Variants in KIF20B observed in about 807,000 individuals in gnomAD.
The protein encoded by KIF20B is kinesin-like protein KIF20B.
In KIF20B, 188 loss-of-function variants were observed where a neutral mutation model predicts 232.5. That is an observed-to-expected ratio of 0.81 (90% CI 0.72 to 0.91). The LOEUF (loss-of-function observed/expected upper bound fraction) is 0.91. KIF20B is among the 40% of genes least tolerant of loss of function. KIF20B has a pLI of 0.00. For missense variants in KIF20B, 2,154 were observed against 2,055.9 expected (o/e 1.05, Z -0.92); for synonymous variants, 712 against 683.0 (o/e 1.04, Z -0.66).
At chr10:89,716,348 C>T (rs1327692086) in intron 8 of KIF20B, 88 bp from the exon 9 acceptor site, 1 of 606,800 alleles carries the variant, frequency 1.6e-6, no homozygotes, top group Non-Finnish European at 2.8e-6. Context: ...CATTATATGT[C>T]ACTAGGAAAA....
At chr10:89,734,403 CTG>C (rs577503029) in intron 19 of KIF20B, among the ~76,000 whole-genome samples, 41 of 152,142 alleles carry the variant, frequency 2.7e-4, no homozygotes, top group African/African-American at 8.4e-4. Flanking sequence ...AAGAGTGAAA[CTG>C]TGTCTAAAAA....
chr10:89,755,473 C>T (rs986546492), intron 26 of KIF20B, among the ~76,000 whole-genome samples: 1 of 132,124 alleles, frequency 7.6e-6, no homozygotes. Flanking sequence ...CCTCCCCTCC[C>T]TCCCCTTTCC....
At position 89,737,718 on chromosome 10, in the gene KIF20B, A is replaced by C. The variant is rs763948311; in HGVS notation, c.2877A>C (p.Glu959Asp). ...AAAGTAAAAATCAAGAACAGGAGGA[A>C]AAGATCATGAAATTGTCAAATGAGA... ...VQKSKNQEQE[E>D]KIMKLSNEIE... The change falls in exon 20 of 33, where the codon GAA (glutamate) becomes GAC (aspartate). Residue 959 changes from glutamate (E) to aspartate (D), a missense_variant. By Grantham distance (45) the Glu-to-Asp change is conservative (BLOSUM62 2). Transcript: ENST00000371728. 1.2e-6 allele frequency: 2 copies of C among 1,612,812 alleles called. No homozygotes were observed. The highest frequency in any genetic ancestry group is 3.3e-5 in the Admixed American group (2 of 59,950).
chr10:89,774,158 A>G lies in KIF20B; in HGVS notation c.*110A>G. 1.1e-5 allele frequency: 6 copies of G among 537,690 alleles called. No individual in the cohort carries two copies. Among genetic ancestry groups the G allele is most frequent in the Non-Finnish European group, 1.9e-5 (6 of 318,312 alleles). The allele number at this position is 537,690 out of a possible 1,614,324, so 33.3% of individuals were successfully genotyped here. A position where few individuals can be genotyped will look rare whatever the true frequency, so the allele number is the denominator to read the frequency against. On this transcript the variant is annotated 3_prime_UTR_variant, in exon 33 of 33. Transcript: ENST00000371728. ...TTATGCATTAAATCACTCTGCATAT[A>G]GATTGCTGTTTTATACATAGTATAA...
intron 21 of KIF20B, among the ~76,000 whole-genome samples, chr10:89,741,078 A>T (rs544994146): frequency 3.5e-4 from 53 of 152,332 alleles, no homozygotes; most frequent in Non-Finnish European, 7.4e-4. Flanking sequence ...CATAATGTAG[A>T]ATCAGTGGGA....
chr10:89,754,820 A>C (rs183949744), intron 26 of KIF20B, 147 bp downstream of exon 26: 1 of 521,290 alleles, frequency 1.9e-6, no homozygotes, highest in African/African-American at 2.0e-5. Flanking sequence ...TTCTGAGCCA[A>C]TTTATCTTGA....
intron 19 of KIF20B, 122 bp from the exon 20 acceptor site, chr10:89,737,258 ATTTCATT>A (rs1010431500): frequency 2.0e-6 from 2 of 980,756 alleles, no homozygotes; most frequent in Admixed American, 8.2e-5. Context: ...TCAACAGCTT[ATTTCATT>A]TTTTTTTTTT....
At chr10:89,740,465 A>G (rs1306113777) in intron 21 of KIF20B, among the ~76,000 whole-genome samples, 1 of 152,028 alleles carries the variant, frequency 6.6e-6, no homozygotes, top group Non-Finnish European at 1.5e-5. Flanking sequence ...TCACTGTACA[A>G]TAGTTCTCAT....
chr10:89,712,013 C>A (rs1226885870), intron 6 of KIF20B, among the ~76,000 whole-genome samples: 1 of 151,204 alleles, frequency 6.6e-6, no homozygotes, highest in Non-Finnish European at 1.5e-5. Flanking sequence ...CTCACTTGAG[C>A]CTACTTTATA....
At chr10:89,750,708 A>T (rs1842004813) in intron 23 of KIF20B, among the ~76,000 whole-genome samples, 1 of 152,134 alleles carries the variant, frequency 6.6e-6, no homozygotes, top group Non-Finnish European at 1.5e-5. Flanking sequence ...GTTAATATAT[A>T]GTTGCTTACA....
At chr10:89,752,766 A>G in intron 25 of KIF20B, 75 bp downstream of exon 25, 1 of 1,106,254 alleles carries the variant, frequency 9.0e-7, no homozygotes. Flanking sequence ...AGAATTCAGT[A>G]TTTTATATTT....
At position 89,716,425 on chromosome 10, in the gene KIF20B, A is replaced by T. The variant is rs763589685; in HGVS notation, c.941-11A>T. 61 of 1,175,756 alleles carry T rather than the reference A, an allele frequency of 5.2e-5. No individual in the cohort carries two copies. The highest frequency in any genetic ancestry group is 4.8e-5 in the Non-Finnish European group (39 of 811,222). 72.8% of individuals were successfully genotyped at this position (1,175,756 alleles called of 1,614,324 possible). A position where few individuals can be genotyped will look rare whatever the true frequency, so the allele number is the denominator to read the frequency against. Reference sequence around the variant, plus strand: ...CAATAAATTAATATATATCCTCTTTATTTTTTAAAGATCTACAATGGATTC... The same window carrying T: ...CAATAAATTAATATATATCCTCTTTTTTTTTTAAAGATCTACAATGGATTC... On this transcript the variant is annotated splice_polypyrimidine_tract_variant and intron_variant, in intron 8 of 32. Transcript: ENST00000371728.
Position 89,738,447 on chromosome 10 carries a change from G to A in KIF20B, c.3606G>A (p.Lys1202=). 1 of 1,602,166 alleles carries A rather than the reference G, an allele frequency of 6.2e-7. No homozygotes were observed. Residue 1202 remains lysine, a synonymous_variant, in exon 20 of 33, where the codon AAG becomes AAA. Coordinates refer to ENST00000371728, the MANE Select transcript of KIF20B (RefSeq NM_001284259.2). ...TCTTAAAGCTAGAAAGAAATTTGAA[G>A]GAATTTCAAGAACATCTTCAGGATT... ...SIILKLERNL[K]EFQEHLQDSV... is the part of the protein sequence containing the mutation.
intron 1 of KIF20B, among the ~76,000 whole-genome samples, chr10:89,702,612 A>G (rs376643270): frequency 8.5e-5 from 13 of 152,130 alleles, no homozygotes; most frequent in African/African-American, 2.2e-4. Flanking sequence ...AGATTCTGCT[A>G]TTTTTCACCA....
chr10:89,714,655 T>TA (rs2133091229), intron 7 of KIF20B, among the ~76,000 whole-genome samples: 1 of 152,370 alleles, frequency 6.6e-6, no homozygotes, highest in South Asian at 2.1e-4. Context: ...ATATCCCTTT[T>TA]ACTGGTTACA....
intron 29 of KIF20B, among the ~76,000 whole-genome samples, chr10:89,767,648 A>G (rs535883245): frequency 2.0e-5 from 3 of 152,048 alleles, no homozygotes; most frequent in Non-Finnish European, 4.4e-5. Context: ...GCTTTGTCCT[A>G]TGTGAGGTTA....
At chr10:89,711,283 A>G in intron 6 of KIF20B, 138 bp downstream of exon 6, 1 of 492,800 alleles carries the variant, frequency 2.0e-6, no homozygotes. Flanking sequence ...GAGAAAAATA[A>G]AGCTTAAAGT....
At position 89,774,121 on chromosome 10, in the gene KIF20B, T is replaced by C; in HGVS notation, c.*73T>C. The stretch of plus-strand genomic sequence containing the variant: ...GAACTTGCATCCTGTATTGTAAATA[T>C]AAATGTATATATTATGCATTAAATC... On this transcript the variant is annotated 3_prime_UTR_variant, in exon 33 of 33. Transcript: ENST00000371728. The C allele has an allele frequency of 1.2e-6, 1 of 867,960 alleles. No homozygotes were observed. Among genetic ancestry groups the C allele is most frequent in the Non-Finnish European group, 1.8e-6 (1 of 558,202 alleles). 53.8% of individuals were successfully genotyped at this position (867,960 alleles called of 1,614,324 possible).
At position 89,737,768 on chromosome 10, in the gene KIF20B, C is replaced by T. The variant is rs149051114; in HGVS notation, c.2927C>T (p.Thr976Ile). 24 of 1,609,704 alleles carry T rather than the reference C, an allele frequency of 1.5e-5. No individual in the cohort carries two copies. The highest frequency in any genetic ancestry group is 2.0e-5 in the Non-Finnish European group (24 of 1,176,804). Residue 976 changes from threonine to isoleucine, a missense_variant, in exon 20 of 33, where the codon ACA becomes ATA. Transcript: ENST00000371728. ...NEIETATRSI[T>I]NNVSQIKLMH... is the part of the protein sequence containing the mutation. ...ATAGAAACTGCTACAAGAAGCATTA[C>T]AAATAATGTTTCACAAATAAAATTA...
Sources: allele counts gnomAD v4.1 joint callset (sites outside exome capture counted in the v4.1 genomes callset), GRCh38; gene constraint gnomAD v4.1.1; transcripts MANE v1.5; gene names NCBI Gene and HGNC (gene_info 2026-07-23, HGNC 2026-07-21).